Variants in ZNF57 observed in about 807,000 individuals in gnomAD.
ZNF57 encodes zinc finger protein 424.
A neutral mutation model predicts 13.4 loss-of-function variants in ZNF57; 11 were observed. The observed-to-expected ratio is 0.82, with a 90% CI of 0.52 to 1.36. The LOEUF (loss-of-function observed/expected upper bound fraction) is 1.36. Among genes scored for constraint, ZNF57 ranks in the 40% most tolerant of loss-of-function variants. The probability of loss-of-function intolerance (pLI) is 0.00; values close to 1 mark genes in which losing one functional copy is unlikely to be tolerated. For missense variants in ZNF57, 696 were observed against 667.5 expected, an observed-to-expected ratio of 1.04 and a Z score of -0.47; for synonymous variants, 224 against 238.5, an observed-to-expected ratio of 0.94 and a Z score of 0.56.
intron 1 of ZNF57, among the ~76,000 whole-genome samples, chr19:2,909,288 T>G (rs1034547869): frequency 7.4e-6 from 1 of 134,500 alleles, no homozygotes; most frequent in African/African-American, 2.7e-5. Flanking sequence ...TTTGTTTTTT[T>G]TTTTTTTTTT....
At chr19:2,901,374 G>C (rs1457803527) in intron 1 of ZNF57, among the ~76,000 whole-genome samples, 8 of 151,970 alleles carry the variant, frequency 5.3e-5, no homozygotes, top group Non-Finnish European at 1.2e-4. Context: ...ACGGTCAGCA[G>C]GTTGGGGATG....
At position 2,916,152 on chromosome 19, in the gene ZNF57, C is replaced by G. The variant is rs1599604199; in HGVS notation, c.205C>G (p.Gln69Glu). The G allele has an allele frequency of 6.2e-7, 1 of 1,613,964 alleles. No homozygotes were observed. Among genetic ancestry groups the G allele is most frequent in the East Asian group, 2.2e-5 (1 of 44,854 alleles). The change falls in exon 3 of 4, where the codon CAG becomes GAG. Residue 69 changes from glutamine (Q) to glutamate (E), a missense_variant. Transcript: ENST00000306908. The part of the protein sequence containing the change: ...DMYGQEKSKE[Q>E]TIPNFTGNNS... ...GTACGGGCAAGAAAAATCTAAGGAA[C>G]AGACAATACCAAACTTCACAGGAAA...
At chr19:2,904,074 G>C (rs1051803637) in intron 1 of ZNF57, among the ~76,000 whole-genome samples, 2 of 152,158 alleles carry the variant, frequency 1.3e-5, no homozygotes, top group African/African-American at 2.4e-5. Flanking sequence ...GTTGCCCCAG[G>C]CTAGTCTCAA....
chr19:2,915,790 C>A, intron 2 of ZNF57, 142 bp downstream of exon 2: 1 of 1,335,316 alleles, frequency 7.5e-7, no homozygotes, highest in Non-Finnish European at 1.1e-6. Flanking sequence ...AGTCATTATT[C>A]CCTAACAGTG....
At chr19:2,902,665 C>T (rs2088039903) in intron 1 of ZNF57, among the ~76,000 whole-genome samples, 2 of 152,150 alleles carry the variant, frequency 1.3e-5, no homozygotes, top group African/African-American at 4.8e-5. Context: ...TTCAGCTAGA[C>T]ATGAGATTAA....
chr19:2,908,230 T>C (rs1229932905), intron 1 of ZNF57, among the ~76,000 whole-genome samples: 1 of 152,154 alleles, frequency 6.6e-6, no homozygotes, highest in Non-Finnish European at 1.5e-5. Flanking sequence ...TCTTAGAAAT[T>C]TGCAAAAAGA....
At chr19:2,901,206 G>T (rs1037154243) in intron 1 of ZNF57, among the ~76,000 whole-genome samples, 158 bp downstream of exon 1, 1 of 151,038 alleles carries the variant, frequency 6.6e-6, no homozygotes, top group African/African-American at 2.4e-5. Context: ...ACAGCGGCCG[G>T]GCTGGAGGAC....
Position 2,918,047 on chromosome 19 carries a change from T to C in ZNF57, c.1426T>C (p.Tyr476His), listed in dbSNP as rs777271906. 2 of 1,613,892 alleles carry C rather than the reference T, an allele frequency of 1.2e-6. No individual in the cohort carries two copies. The highest frequency in any genetic ancestry group is 1.7e-6 in the Non-Finnish European group (2 of 1,179,972). Residue 476 changes from tyrosine to histidine, a missense_variant, in exon 4 of 4, where the codon TAT becomes CAT. Physicochemically the swap from Tyr to His is moderately conservative, Grantham distance 83. This residue lies in a region of ZNF57 where 645 missense variants were observed against 591.5 expected (regional missense o/e 1.09). Transcript: ENST00000306908. The part of the protein sequence containing the change: ...HLRMHTGEKP[Y>H]ECKQCGKTFT... ...GAGGATGCACACTGGAGAGAAGCCT[T>C]ATGAGTGTAAACAATGTGGAAAAAC... is the stretch of plus-strand genomic sequence containing the variant.
Position 2,917,075 on chromosome 19 carries a change from C to G in ZNF57, c.454C>G (p.Leu152Val), listed in dbSNP as rs1439436843. The G allele has an allele frequency of 6.2e-7, 1 of 1,614,166 alleles. No homozygotes were observed. Among genetic ancestry groups the G allele is most frequent in the Non-Finnish European group, 8.5e-7 (1 of 1,180,014 alleles). The change falls in exon 4 of 4, where the codon CTT (leucine) becomes GTT (valine). Residue 152 changes from leucine to valine, a missense_variant. Around this residue, in one of 3 missense-constraint regions of ZNF57, gnomAD observed 645 missense variants for 591.5 expected, o/e 1.09. Transcript: ENST00000306908. ...CAAGTGCAGGACAGTCTTCACGCAT[C>G]TTTCTTCTCTTAAAAGGCACGTCAA... ...CTKCRTVFTH[L>V]SSLKRHVKSH...
At chr19:2,909,275 A>ATTTATT (rs1341390463) in intron 1 of ZNF57, among the ~76,000 whole-genome samples, 9 of 103,794 alleles carry the variant, frequency 8.7e-5, no homozygotes, top group African/African-American at 2.0e-4. Context: ...TATTTTATTT[A>ATTTATT]TTTTTGTTTT....
At position 2,917,937 on chromosome 19, in the gene ZNF57, T is replaced by G. The variant is rs2088227873; in HGVS notation, c.1316T>G (p.Val439Gly). The G allele has an allele frequency of 1.2e-6, 2 of 1,613,568 alleles. No individual in the cohort carries two copies. The change falls in exon 4 of 4, where the codon GTG becomes GGG. Residue 439 changes from valine to glycine, a missense_variant. Coordinates refer to ENST00000306908, the MANE Select transcript of ZNF57 (RefSeq NM_173480.3). ...FTWSSTFREH[V>G]RIHTQEQLHK... ...TGGTCCTCAACGTTTAGAGAACATG[T>G]GAGAATTCACACGCAAGAGCAGCTC...
rs924481848 is a variant in ZNF57, at chr19:2,900,989, G to C, written c.-57G>C. The C allele has an allele frequency of 1.4e-5, 21 of 1,550,084 alleles. No homozygotes were observed. The East Asian group carries it at 5.1e-4, about 38-fold the overall frequency. On this transcript the variant is annotated 5_prime_UTR_variant, in exon 1 of 4. Transcript: ENST00000306908. ...CCGGGAGTACCTGTACCTTTCAGCT[G>C]CGCCGGCCGCGAGGCCACGGAGAGC...
At chr19:2,916,013 C>A in intron 2 of ZNF57, 65 bp from the exon 3 acceptor site, 1 of 1,530,390 alleles carries the variant, frequency 6.5e-7, no homozygotes, top group Non-Finnish European at 8.8e-7. Context: ...CTAAACTCCT[C>A]AGTGTCTTCC....
intron 1 of ZNF57, among the ~76,000 whole-genome samples, chr19:2,909,259 AG>A (rs2088107835): frequency 6.8e-6 from 1 of 146,554 alleles, no homozygotes; most frequent in Non-Finnish European, 1.5e-5. Context: ...TCCTTATAAT[AG>A]ATTTTATTTT....
chr19:2,906,580 C>T (rs952212269), intron 1 of ZNF57, among the ~76,000 whole-genome samples: 3 of 152,300 alleles, frequency 2.0e-5, no homozygotes, highest in Admixed American at 6.5e-5. Flanking sequence ...CGAAACCGCC[C>T]CCTCCCTAGC....
chr19:2,908,291 G>C (rs1255383139), intron 1 of ZNF57, among the ~76,000 whole-genome samples: 2 of 152,062 alleles, frequency 1.3e-5, no homozygotes, highest in Non-Finnish European at 2.9e-5. Flanking sequence ...GCTGGAACTA[G>C]TATAACGTTG....
chr19:2,911,368 A>C (rs998796075), intron 1 of ZNF57, among the ~76,000 whole-genome samples: 11 of 151,564 alleles, frequency 7.3e-5, no homozygotes, highest in African/African-American at 2.7e-4. Context: ...CTGTCTCTAC[A>C]AAAATACCAA....
chr19:2,917,600 A>G lies in ZNF57; in HGVS notation c.979A>G (p.Met327Val), dbSNP rs756091242. Reference sequence around the variant, plus strand: ...TTGGTCTGAAACCTTGCGAGTCCACATGAGGATCCACACTGGGGACAAACT... The same window carrying G: ...TTGGTCTGAAACCTTGCGAGTCCACGTGAGGATCCACACTGGGGACAAACT... ...FSWSETLRVHMRIHTGDKLYK... is the reference protein window; with the variant it reads ...FSWSETLRVHVRIHTGDKLYK... Residue 327 changes from methionine (M) to valine (V), a missense_variant, in exon 4 of 4, where the codon ATG becomes GTG. Coordinates refer to ENST00000306908, the MANE Select transcript of ZNF57 (RefSeq NM_173480.3). 1.2e-5 allele frequency: 19 copies of G among 1,613,382 alleles called. No individual in the cohort carries two copies. The highest frequency in any genetic ancestry group is 4.5e-5 in the East Asian group (2 of 44,860).
At chr19:2,911,109 T>A (rs78721077) in intron 1 of ZNF57, among the ~76,000 whole-genome samples, 1 of 152,004 alleles carries the variant, frequency 6.6e-6, no homozygotes, top group Non-Finnish European at 1.5e-5. Context: ...ATCAGCCAGG[T>A]TGGAGTGCAG....
Sources: gnomAD v4.1 joint callset for allele counts (sites outside exome capture counted in the v4.1 genomes callset) on GRCh38, gnomAD v4.1.1 for gene constraint, gnomAD v4.1.1 regional missense constraint, MANE v1.5 for transcripts, NCBI Gene and HGNC (gene_info 2026-07-23, HGNC 2026-07-21) for gene names.